RAI1: variants seen among roughly 807,000 people sequenced by gnomAD.
RAI1 encodes retinoic acid-induced protein 1.
In RAI1, 9 loss-of-function variants were observed where a neutral mutation model predicts 123.8. The ratio of observed to expected loss-of-function variants is 0.07; its 90% CI spans 0.04 to 0.13. The LOEUF is 0.13. Among genes scored for constraint, RAI1 ranks in the 10% least tolerant of loss-of-function variants. The pLI is 1.00. For synonymous variants in RAI1, 1,231 were observed against 1,127.3 expected, an observed-to-expected ratio of 1.09 and a Z score of -1.84; for missense variants, 2,256 against 2,545.8, an observed-to-expected ratio of 0.89 and a Z score of 2.45.
intron 1 of RAI1, among the ~76,000 whole-genome samples, chr17:17,709,390 T>G (rs1915493946): frequency 6.6e-6 from 1 of 152,066 alleles, no homozygotes; most frequent in African/African-American, 2.4e-5. Context: ...GAAAAGCCCT[T>G]TGCTGGCCCC....
chr17:17,805,477 T>TCCAG (rs1237354062), intron 4 of RAI1, among the ~76,000 whole-genome samples: 2 of 151,890 alleles, frequency 1.3e-5, no homozygotes, highest in African/African-American at 2.4e-5. Flanking sequence ...GTGGACAGAG[T>TCCAG]CCAGGCCCCC....
intron 1 of RAI1, among the ~76,000 whole-genome samples, chr17:17,687,432 G>A (rs1396014326): frequency 2.0e-5 from 3 of 152,274 alleles, no homozygotes; most frequent in Non-Finnish European, 4.4e-5. Context: ...CAGGGACCCC[G>A]TGGAGACAGC....
chr17:17,794,113 C>T lies in RAI1; in HGVS notation c.1165C>T (p.His389Tyr), dbSNP rs775798929. The change falls in exon 3 of 6, where the codon CAC becomes TAC. Residue 389 changes from histidine (H) to tyrosine (Y), a missense_variant. This residue lies in a region of RAI1 where 357 missense variants were observed against 480.2 expected (regional missense o/e 0.74). Transcript: ENST00000353383. ...TGAFPAGITD[H>Y]SHFMPLLNPS... is the part of the protein sequence containing the mutation. The stretch of plus-strand genomic sequence containing the variant: ...GGCCTTCCCCGCAGGGATCACTGAC[C>T]ACAGCCACTTCATGCCCCTGCTCAA... 6.8e-6 allele frequency: 11 copies of T among 1,614,074 alleles called. No individual in the cohort carries two copies. The highest frequency in any genetic ancestry group is 3.3e-5 in the South Asian group (3 of 91,078).
intron 2 of RAI1, among the ~76,000 whole-genome samples, chr17:17,750,944 C>T (rs2030141340): frequency 6.6e-6 from 1 of 152,134 alleles, no homozygotes; most frequent in African/African-American, 2.4e-5. Flanking sequence ...GGGCTCAGCA[C>T]TTCATCATTT....
chr17:17,700,568 GA>G (rs1380655807), intron 1 of RAI1, among the ~76,000 whole-genome samples: 1 of 152,132 alleles, frequency 6.6e-6, no homozygotes, highest in East Asian at 1.9e-4. Context: ...GCCGGCCGCG[GA>G]AGCAGCTGCG....
intron 2 of RAI1, among the ~76,000 whole-genome samples, chr17:17,786,696 A>T (rs1442959455): frequency 6.6e-6 from 1 of 152,214 alleles, no homozygotes; most frequent in African/African-American, 2.4e-5. Context: ...CTGTGTTTCC[A>T]CTTCCCCAGG....
At chr17:17,737,861 C>T (rs571240301) in intron 2 of RAI1, among the ~76,000 whole-genome samples, 1 of 152,210 alleles carries the variant, frequency 6.6e-6, no homozygotes, top group African/African-American at 2.4e-5. Context: ...AGGCCTGGAG[C>T]CCCAGAGTAA....
chr17:17,702,707 T>A (rs1915264375), intron 1 of RAI1, among the ~76,000 whole-genome samples: 1 of 152,062 alleles, frequency 6.6e-6, no homozygotes, highest in African/African-American at 2.4e-5. Context: ...CTCACAGGGG[T>A]TTAGCACCTC....
chr17:17,763,498 G>A (rs895721029), intron 2 of RAI1, among the ~76,000 whole-genome samples: 18 of 152,226 alleles, frequency 1.2e-4, no homozygotes, highest in Non-Finnish European at 1.9e-4. Context: ...AGGGGGCACC[G>A]AGGGACCCTG....
intron 2 of RAI1, among the ~76,000 whole-genome samples, chr17:17,764,854 T>TA: frequency 1.3e-5 from 2 of 152,222 alleles, no homozygotes; most frequent in Non-Finnish European, 2.9e-5. Flanking sequence ...CCTCCCAAAG[T>TA]GCTGGGATTA....
At chr17:17,804,048 C>A in intron 4 of RAI1, 199 bp downstream of exon 4, 1 of 686,986 alleles carries the variant, frequency 1.5e-6, no homozygotes. Context: ...ATGAGGCATT[C>A]CCCAGGCACC....
intron 1 of RAI1, among the ~76,000 whole-genome samples, chr17:17,695,017 G>A (rs565633421): frequency 6.6e-6 from 1 of 151,982 alleles, no homozygotes; most frequent in South Asian, 2.1e-4. Flanking sequence ...GTGCGGGTTA[G>A]CCTCGGGACG....
At chr17:17,779,200 G>A in intron 2 of RAI1, 3 of 337,886 alleles carry the variant, frequency 8.9e-6, no homozygotes, top group South Asian at 2.4e-5. Context: ...GGTGGCCCCA[G>A]GCCTGCCTCT....
Position 17,795,522 on chromosome 17 carries a change from C to T in RAI1, c.2574C>T (p.Pro858=), listed in dbSNP as rs1468978696. Reference sequence around the variant, plus strand: ...TCGGGGACCTCCCACTGCTGCCACCCACCAGCAGGAAGGAGGACCTGGAAG... The same window carrying T: ...TCGGGGACCTCCCACTGCTGCCACCTACCAGCAGGAAGGAGGACCTGGAAG... The part of the protein sequence containing the change: ...ADFGDLPLLP[P]TSRKEDLEAE... Residue 858 remains proline, a synonymous_variant, in exon 3 of 6, where the codon CCC becomes CCT. Coordinates refer to ENST00000353383, the MANE Select transcript of RAI1 (RefSeq NM_030665.4). This position sits in a 1 kb window ranked among gnomAD's most constrained non-coding sequence, Gnocchi z 5.9. 1 of 1,597,536 alleles carries T rather than the reference C, an allele frequency of 6.3e-7. No individual in the cohort carries two copies. The highest frequency in any genetic ancestry group is 8.5e-7 in the Non-Finnish European group (1 of 1,172,248).
chr17:17,702,589 C>T lies in RAI1; in HGVS notation c.-149+20796C>T, dbSNP rs60445027. Among the ~76,000 whole-genome samples the T allele has an allele frequency of 6.8e-3, 1,041 of 152,254 alleles. 14 individuals are homozygous for T. Among genetic ancestry groups the T allele is most frequent in the African/African-American group, 0.024 (991 of 41,542 alleles). On this transcript the variant is annotated intron_variant, in intron 1 of 5. Transcript: ENST00000353383. Reference sequence around the variant, plus strand: ...CAGGAGCGTCAGGTGGCATCACAGCCGGGTAGACAGTCGTCACTGATTAAT... The same window carrying T: ...CAGGAGCGTCAGGTGGCATCACAGCTGGGTAGACAGTCGTCACTGATTAAT...
chr17:17,768,642 T>C (rs1400626738), intron 2 of RAI1, among the ~76,000 whole-genome samples: 1 of 151,992 alleles, frequency 6.6e-6, no homozygotes, highest in African/African-American at 2.4e-5. Flanking sequence ...CTGTGTGGAG[T>C]GCCAGCCAGG....
intron 2 of RAI1, among the ~76,000 whole-genome samples, chr17:17,743,515 C>T (rs1049316048): frequency 5.9e-5 from 9 of 152,232 alleles, no homozygotes; most frequent in African/African-American, 1.9e-4. Flanking sequence ...GCTGCCCCTG[C>T]CCGCAGCAGC....
chr17:17,738,669 T>G (rs539531235), intron 2 of RAI1, among the ~76,000 whole-genome samples: 4 of 152,348 alleles, frequency 2.6e-5, no homozygotes, highest in Non-Finnish European at 5.9e-5. Context: ...AACTGCCAGC[T>G]TGCAGCTGTG....
intron 1 of RAI1, among the ~76,000 whole-genome samples, chr17:17,715,553 C>T (rs1006307352): frequency 6.6e-6 from 1 of 152,160 alleles, no homozygotes; most frequent in Non-Finnish European, 1.5e-5. Context: ...AGGAGAAGTG[C>T]GAGGAGTGGT....
Sources: gnomAD v4.1 joint callset for allele counts (sites outside exome capture counted in the v4.1 genomes callset) on GRCh38, gnomAD v4.1.1 for gene constraint, gnomAD v4.1.1 regional missense constraint, Gnocchi (gnomAD v3.1) non-coding constraint, MANE v1.5 for transcripts, NCBI Gene and HGNC (gene_info 2026-07-23, HGNC 2026-07-21) for gene names.